CREB3L2: variants seen among roughly 807,000 people sequenced by gnomAD.
CREB3L2 encodes the protein cyclic AMP-responsive element-binding protein 3-like protein 2.
A neutral mutation model predicts 57.2 loss-of-function variants in CREB3L2; 23 were observed. The observed-to-expected ratio is 0.40, with a 90% CI of 0.29 to 0.57. CREB3L2 has a LOEUF of 0.57. Among genes scored for constraint, CREB3L2 ranks in the 20% least tolerant of loss-of-function variants. The pLI, the probability that CREB3L2 is intolerant of heterozygous loss-of-function variation, is 0.42. For missense variants in CREB3L2, 628 were observed against 634.7 expected, an observed-to-expected ratio of 0.99 and a Z score of 0.11; for synonymous variants, 268 against 265.1, an observed-to-expected ratio of 1.01 and a Z score of -0.11.
At chr7:137,971,178 TGGTGGCTCACGCCTGTAATCCCA>T (rs906073098) in intron 1 of CREB3L2, among the ~76,000 whole-genome samples, 10 of 151,370 alleles carry the variant, frequency 6.6e-5, no homozygotes, top group Non-Finnish European at 1.2e-4. Flanking sequence ...GGGCCAGGCG[TGGTGGCTCACGCCTGTAATCCCA>T]GCACTTTGGG....
At chr7:137,969,761 A>AAC (rs66931280) in intron 1 of CREB3L2, among the ~76,000 whole-genome samples, 2,008 of 103,634 alleles carry the variant, frequency 0.019, 16 homozygotes, top group East Asian at 0.043. Context: ...AGGGTCATCA[A>AAC]ACACACACAC....
In CREB3L2 at chr7:137,904,132, G is replaced by C. The variant is rs535307058; in HGVS notation, c.916-115C>G. 2.0e-5 allele frequency: 17 copies of C among 854,074 alleles called. No homozygotes were observed. In the African/African-American group the frequency reaches 2.8e-4, roughly 14 times the overall value. The allele number at this position is 854,074 out of a possible 1,614,324, so 52.9% of individuals were successfully genotyped here. A position where few individuals can be genotyped will look rare whatever the true frequency, so the allele number is the denominator to read the frequency against. On this transcript the variant is annotated intron_variant, in intron 6 of 11. Transcript: ENST00000330387. Reference sequence around the variant, plus strand: ...AAAGCCCTGCTTACTTCTGCAAGCTGCTTGCCATTTGTTTAAGCTGCTGGT... The same window carrying C: ...AAAGCCCTGCTTACTTCTGCAAGCTCCTTGCCATTTGTTTAAGCTGCTGGT...
At chr7:137,893,427 A>G (rs1040037052) in intron 8 of CREB3L2, among the ~76,000 whole-genome samples, 3 of 152,264 alleles carry the variant, frequency 2.0e-5, no homozygotes, top group Admixed American at 6.5e-5. Context: ...GTAAAAGTGT[A>G]CAGTAGAGTA....
chr7:137,980,186 G>T lies in CREB3L2; in HGVS notation c.102+21418C>A, dbSNP rs1397740610. On this transcript the variant is annotated intron_variant, in intron 1 of 11. Coordinates refer to ENST00000330387, the MANE Select transcript of CREB3L2 (RefSeq NM_194071.4). The surrounding 1 kb of genome is among the most constrained non-coding windows in gnomAD (Gnocchi z 4.3). Reference sequence around the variant, plus strand: ...CATGCTTTGAGTAGTCATACTCCAAGCCAGTAGTTCTCACCTCGGTTTCAC... The same window carrying T: ...CATGCTTTGAGTAGTCATACTCCAATCCAGTAGTTCTCACCTCGGTTTCAC... 6.6e-6 allele frequency among the ~76,000 whole-genome samples: 1 copy of T among 152,208 alleles called. No homozygotes were observed. The highest frequency in any genetic ancestry group is 1.5e-5 in the Non-Finnish European group (1 of 68,034).
rs528755034 is a variant in CREB3L2 at position 137,962,203 on chromosome 7, C to T, written c.103-33837G>A. 2.0e-4 allele frequency among the ~76,000 whole-genome samples: 30 copies of T among 152,240 alleles called. No individual in the cohort carries two copies. The South Asian group carries it at 5.0e-3, about 25-fold the overall frequency. ...GAAGCAGCACAGACCATTGCTTGGGCGACTTGAATTCTAAAGCTGCCATAC... is the reference window on the plus strand; with the variant it reads ...GAAGCAGCACAGACCATTGCTTGGGTGACTTGAATTCTAAAGCTGCCATAC... On this transcript the variant is annotated intron_variant, in intron 1 of 11. Coordinates refer to ENST00000330387, the MANE Select transcript of CREB3L2 (RefSeq NM_194071.4).
chr7:137,949,335 G>A (rs1461282803), intron 1 of CREB3L2, among the ~76,000 whole-genome samples: 2 of 152,170 alleles, frequency 1.3e-5, no homozygotes, highest in Admixed American at 6.5e-5. Context: ...CAGAAACTGT[G>A]TCGTTGTAAG....
At chr7:137,917,143 G>T (rs1800156076) in intron 2 of CREB3L2, among the ~76,000 whole-genome samples, 1 of 152,000 alleles carries the variant, frequency 6.6e-6, no homozygotes, top group Non-Finnish European at 1.5e-5. Context: ...GGTGAGTCTG[G>T]GTCTTGTCTT....
intron 5 of CREB3L2, among the ~76,000 whole-genome samples, chr7:137,906,088 C>G (rs184208946): frequency 9.8e-4 from 149 of 152,224 alleles, no homozygotes; most frequent in African/African-American, 3.4e-3. Flanking sequence ...AATAAAGAAG[C>G]CTCCACCCAT....
intron 1 of CREB3L2, among the ~76,000 whole-genome samples, chr7:137,976,695 T>TA (rs1330624135): frequency 1.1e-4 from 17 of 152,354 alleles, no homozygotes; most frequent in Admixed American, 1.1e-3. Flanking sequence ...GAGACTATTT[T>TA]AAAAAATCTT....
chr7:137,886,357 A>C (rs144203471), intron 8 of CREB3L2, among the ~76,000 whole-genome samples: 1,579 of 152,284 alleles, frequency 0.01, 29 homozygotes, highest in African/African-American at 0.035. Flanking sequence ...GGAAATGCCA[A>C]CAGAGAGTAA....
rs981267529 is a variant in CREB3L2 at position 137,976,401 on chromosome 7, C to T, written c.102+25203G>A. Among the ~76,000 whole-genome samples the T allele has an allele frequency of 2.0e-5, 3 of 152,222 alleles. No homozygotes were observed. The South Asian group carries it at 6.2e-4, about 32-fold the overall frequency. ...GCCACTCGTTAATTTATCCTTTCGT[C>T]CAGTGATCCTCAAACCTGGCTGCAT... is the stretch of plus-strand genomic sequence containing the variant. On this transcript the variant is annotated intron_variant, in intron 1 of 11. Coordinates refer to ENST00000330387, the MANE Select transcript of CREB3L2 (RefSeq NM_194071.4).
intron 1 of CREB3L2, among the ~76,000 whole-genome samples, chr7:137,952,412 C>A (rs1358835377): frequency 6.6e-6 from 1 of 152,218 alleles, no homozygotes; most frequent in African/African-American, 2.4e-5. Flanking sequence ...GCCCAGCCCT[C>A]AGGCTCTCAG....
At chr7:137,930,495 A>AT (rs1800593024) in intron 1 of CREB3L2, among the ~76,000 whole-genome samples, 1 of 152,262 alleles carries the variant, frequency 6.6e-6, no homozygotes, top group African/African-American at 2.4e-5. Flanking sequence ...AAGATGGGAG[A>AT]TGTCCCTAGA....
chr7:137,891,771 G>T (rs1439198583), intron 8 of CREB3L2, among the ~76,000 whole-genome samples: 1 of 152,048 alleles, frequency 6.6e-6, no homozygotes, highest in East Asian at 1.9e-4. Context: ...TAGAGATGGG[G>T]TTTCACCATG....
chr7:137,879,025 C>G lies in CREB3L2; in HGVS notation c.*1451G>C. On this transcript the variant is annotated 3_prime_UTR_variant, in exon 12 of 12. Transcript: ENST00000330387. ...ATAAAAATAAAATACAAACTCTATG[C>G]ACATTTCCTACACAAAATCTTTCCC... 4.6e-6 allele frequency: 2 copies of G among 433,880 alleles called. No homozygotes were observed. The highest frequency in any genetic ancestry group is 8.6e-6 in the Non-Finnish European group (2 of 231,298). The allele number at this position is 433,880 out of a possible 1,614,324, so 26.9% of individuals were successfully genotyped here. A position where few individuals can be genotyped will look rare whatever the true frequency, so the allele number is the denominator to read the frequency against.
intron 9 of CREB3L2, 76 bp from the exon 10 acceptor site, chr7:137,885,197 C>T: frequency 6.6e-7 from 1 of 1,525,580 alleles, no homozygotes; most frequent in Admixed American, 1.8e-5. Flanking sequence ...GCTTTATACC[C>T]AGGGACACAG....
At chr7:137,973,870 T>C (rs974101732) in intron 1 of CREB3L2, among the ~76,000 whole-genome samples, 1 of 152,202 alleles carries the variant, frequency 6.6e-6, no homozygotes, top group Non-Finnish European at 1.5e-5. Flanking sequence ...CCTGAAAACA[T>C]TTTATGAGCT....
In CREB3L2 at chr7:137,880,393, CAA is replaced by C; in HGVS notation, c.*81_*82del. The C allele has an allele frequency of 1.7e-6, 2 of 1,160,332 alleles. No individual in the cohort carries two copies. Among genetic ancestry groups the C allele is most frequent in the Non-Finnish European group, 2.5e-6 (2 of 785,842 alleles). 71.9% of individuals were successfully genotyped at this position (1,160,332 alleles called of 1,614,324 possible). ...CCATGTCTCCATGAAGATCCAGTGG[CAA>C]AGAGGAAAAGCTGATGACAAAGGTG... On this transcript the variant is annotated 3_prime_UTR_variant, in exon 12 of 12. Transcript: ENST00000330387. The surrounding 1 kb of genome is among the most constrained non-coding windows in gnomAD (Gnocchi z 4.0).
chr7:137,928,458 G>C, intron 1 of CREB3L2, 92 bp from the exon 2 acceptor site: 1 of 968,730 alleles, frequency 1.0e-6, no homozygotes, highest in Non-Finnish European at 1.6e-6. Flanking sequence ...TCCACTGCTC[G>C]ATATGAAGTC....
Sources: gnomAD v4.1 joint callset for allele counts (sites outside exome capture counted in the v4.1 genomes callset) on GRCh38, gnomAD v4.1.1 for gene constraint, Gnocchi (gnomAD v3.1) non-coding constraint, MANE v1.5 for transcripts, NCBI Gene and HGNC (gene_info 2026-07-23, HGNC 2026-07-21) for gene names.